The following TNFRSF11A variants were observed in gnomAD, a reference collection of about 807,000 sequenced individuals.
The protein encoded by TNFRSF11A is TNF receptor superfamily member 11a.
TNFRSF11A carries 32 observed loss-of-function variants against 55.7 expected under a neutral mutation model. The observed-to-expected ratio is 0.57, with a 90% CI of 0.43 to 0.77. The LOEUF is 0.77. Among genes scored for constraint, TNFRSF11A ranks in the 30% least tolerant of loss-of-function variants. The pLI is 0.00. For missense variants in TNFRSF11A, 753 were observed against 809.8 expected (o/e 0.93, Z 0.85); for synonymous variants, 311 against 331.0 (o/e 0.94, Z 0.65).
chr18:62,365,820 A>AT (rs1161438754), intron 7 of TNFRSF11A, among the ~76,000 whole-genome samples: 1 of 151,344 alleles, frequency 6.6e-6, no homozygotes, highest in East Asian at 1.9e-4. Context: ...TTTTTATTTT[A>AT]TTTTTTGGTT....
At chr18:62,347,923 A>G (rs1407883691) in intron 1 of TNFRSF11A, among the ~76,000 whole-genome samples, 1 of 149,848 alleles carries the variant, frequency 6.7e-6, no homozygotes, top group African/African-American at 2.5e-5. Flanking sequence ...ACAAAAAAAC[A>G]AAAAAAAACC....
intron 7 of TNFRSF11A, among the ~76,000 whole-genome samples, chr18:62,365,109 C>T (rs1043428288): frequency 1.3e-5 from 2 of 152,056 alleles, no homozygotes; most frequent in South Asian, 2.1e-4. Flanking sequence ...CACAGGCATG[C>T]ACCACCATGC....
At chr18:62,344,211 G>A (rs532453890) in intron 1 of TNFRSF11A, among the ~76,000 whole-genome samples, 4 of 152,264 alleles carry the variant, frequency 2.6e-5, no homozygotes, top group Non-Finnish European at 4.4e-5. Flanking sequence ...GCTATTGTTC[G>A]TTTTGAATTT....
At chr18:62,377,591 G>A (rs1396399556) in intron 9 of TNFRSF11A, among the ~76,000 whole-genome samples, 1 of 152,184 alleles carries the variant, frequency 6.6e-6, no homozygotes, top group East Asian at 1.9e-4. Context: ...CATTCTAATA[G>A]GTGTGTAGTG....
intron 7 of TNFRSF11A, among the ~76,000 whole-genome samples, chr18:62,364,137 C>G (rs562960053): frequency 1.0e-3 from 159 of 152,236 alleles, no homozygotes; most frequent in Non-Finnish European, 1.7e-3. Flanking sequence ...CTGGGGCCAG[C>G]CAGGGTCTCC....
intron 6 of TNFRSF11A, among the ~76,000 whole-genome samples, chr18:62,360,496 G>C (rs11877168): frequency 2.5e-4 from 38 of 151,860 alleles, no homozygotes; most frequent in African/African-American, 8.9e-4. Flanking sequence ...ACCCAGGCTG[G>C]AGTGCAGTGG....
Position 62,358,346 on chromosome 18 carries a change from G to C in TNFRSF11A, c.521+5G>C. The C allele has an allele frequency of 6.2e-7, 1 of 1,609,580 alleles. No homozygotes were observed. Among genetic ancestry groups the C allele is most frequent in the Non-Finnish European group, 8.5e-7 (1 of 1,177,394 alleles). ...CAAATGCAGACCCTGGACCAAGTAAGTAACAACAAAGGAGTCAGAAGAGAT... is the reference window on the plus strand; with the variant it reads ...CAAATGCAGACCCTGGACCAAGTAACTAACAACAAAGGAGTCAGAAGAGAT... On this transcript the variant is annotated splice_donor_5th_base_variant and intron_variant, in intron 5 of 9. Transcript: ENST00000586569.
At chr18:62,358,072 C>G in intron 4 of TNFRSF11A, 176 bp from the exon 5 acceptor site, 1 of 633,720 alleles carries the variant, frequency 1.6e-6, no homozygotes, top group Non-Finnish European at 2.8e-6. Flanking sequence ...TGGGCCCAAG[C>G]CTGTGGGAGC....
rs769081017 is a variant in TNFRSF11A, at chr18:62,361,669, T to G, written c.617-11T>G. On this transcript the variant is annotated splice_polypyrimidine_tract_variant and intron_variant, in intron 6 of 9. Transcript: ENST00000586569. The stretch of plus-strand genomic sequence containing the variant: ...CTTTACTACCATATTTCTCATTTTC[T>G]TCCAATACAGAACCCCATGTTTACT... 6.8e-6 allele frequency: 11 copies of G among 1,608,328 alleles called. No individual in the cohort carries two copies. Among genetic ancestry groups the G allele is most frequent in the Non-Finnish European group, 9.4e-6 (11 of 1,174,786 alleles).
chr18:62,326,609 C>A (rs906433252), intron 1 of TNFRSF11A, among the ~76,000 whole-genome samples: 1 of 152,194 alleles, frequency 6.6e-6, no homozygotes, highest in Middle Eastern at 3.2e-3. Context: ...CCTGACCACG[C>A]AGTTGCAAAA....
chr18:62,347,180 A>C (rs2046395733), intron 1 of TNFRSF11A, among the ~76,000 whole-genome samples: 1 of 151,836 alleles, frequency 6.6e-6, no homozygotes, highest in African/African-American at 2.4e-5. Context: ...AAGGTTTGTG[A>C]CTCTGTATTC....
chr18:62,367,699 C>G (rs1786141319), intron 8 of TNFRSF11A, among the ~76,000 whole-genome samples: 1 of 150,230 alleles, frequency 6.7e-6, no homozygotes, highest in African/African-American at 2.4e-5. Flanking sequence ...AACAATGGTA[C>G]AATACTATTA....
Position 62,335,023 on chromosome 18 carries a change from T to A in TNFRSF11A, c.75+9596T>A, listed in dbSNP as rs187263484. Among the ~76,000 whole-genome samples, 25 of 152,204 alleles carry A rather than the reference T, an allele frequency of 1.6e-4. 1 individual carries two copies. The highest frequency in any genetic ancestry group is 5.8e-4 in the African/African-American group (24 of 41,540). On this transcript the variant is annotated intron_variant, in intron 1 of 9. Transcript: ENST00000586569. ...ACCTTAACCTATTAACTTCTGTGGG[T>A]CACAAGGTTTAAAAGTGGAAAATTG...
intron 7 of TNFRSF11A, among the ~76,000 whole-genome samples, chr18:62,363,789 G>A (rs1275635580): frequency 6.6e-5 from 10 of 152,200 alleles, no homozygotes; most frequent in South Asian, 2.1e-4. Context: ...GATGAAGGTC[G>A]CTTGTAGGCA....
chr18:62,379,784 G>C (rs1018144156), intron 9 of TNFRSF11A, among the ~76,000 whole-genome samples: 1 of 152,226 alleles, frequency 6.6e-6, no homozygotes, highest in Non-Finnish European at 1.5e-5. Context: ...TTTGCAGCAA[G>C]GGGTGGGTGG....
At chr18:62,343,190 A>G (rs2145272875) in intron 1 of TNFRSF11A, among the ~76,000 whole-genome samples, 1 of 152,368 alleles carries the variant, frequency 6.6e-6, no homozygotes, top group East Asian at 1.9e-4. Flanking sequence ...TACTGAAGTT[A>G]TAGCCAAATT....
intron 1 of TNFRSF11A, among the ~76,000 whole-genome samples, chr18:62,328,246 C>G (rs1011730168): frequency 6.6e-6 from 1 of 151,756 alleles, no homozygotes; most frequent in Non-Finnish European, 1.5e-5. Flanking sequence ...GAGGGAGGAC[C>G]GCTGGAGGAA....
intron 1 of TNFRSF11A, among the ~76,000 whole-genome samples, chr18:62,332,369 G>A (rs1303167954): frequency 6.6e-6 from 1 of 152,188 alleles, no homozygotes; most frequent in African/African-American, 2.4e-5. Flanking sequence ...GACGTTTAAA[G>A]GCCCCTGTCT....
intron 3 of TNFRSF11A, among the ~76,000 whole-genome samples, chr18:62,351,745 T>C (rs933584214): frequency 2.0e-5 from 3 of 152,230 alleles, no homozygotes; most frequent in Non-Finnish European, 4.4e-5. Flanking sequence ...CAAGGACTTA[T>C]ATTATGGAGC....
Sources: gnomAD v4.1 joint callset for allele counts (sites outside exome capture counted in the v4.1 genomes callset) on GRCh38, gnomAD v4.1.1 for gene constraint, MANE v1.5 for transcripts, NCBI Gene and HGNC (gene_info 2026-07-23, HGNC 2026-07-21) for gene names.